The following SEMA3A variants were observed in gnomAD, a reference collection of about 807,000 sequenced individuals.
SEMA3A encodes semaphorin 3A.
SEMA3A carries 29 observed loss-of-function variants against 97.9 expected under a neutral mutation model. That is an observed-to-expected ratio of 0.30 (90% CI 0.22 to 0.40). The LOEUF (loss-of-function observed/expected upper bound fraction) is 0.40, where lower values mean the gene tolerates loss of function less well. Ranked by LOEUF, SEMA3A falls within the 10% of genes least tolerant of loss-of-function variation. The pLI, the probability that SEMA3A is intolerant of heterozygous loss-of-function variation, is 1.00. For missense variants in SEMA3A, 763 were observed against 951.3 expected, an observed-to-expected ratio of 0.80 and a Z score of 2.60; for synonymous variants, 321 against 323.7, an observed-to-expected ratio of 0.99 and a Z score of 0.09.
At chr7:84,297,905 T>C (rs947542566) in intron 3 of SEMA3A, among the ~76,000 whole-genome samples, 4 of 152,288 alleles carry the variant, frequency 2.6e-5, no homozygotes, top group African/African-American at 9.6e-5. Flanking sequence ...CCTATGGTAA[T>C]AGGAGGACAG....
chr7:84,054,906 T>C (rs1230063029), intron 5 of SEMA3A, among the ~76,000 whole-genome samples: 2 of 151,746 alleles, frequency 1.3e-5, no homozygotes, highest in Admixed American at 1.3e-4. Context: ...TTCTGTTTGT[T>C]AGTTTTCCTT....
chr7:84,044,887 T>C (rs1353643191), intron 6 of SEMA3A, among the ~76,000 whole-genome samples: 18 of 151,998 alleles, frequency 1.2e-4, no homozygotes, highest in Admixed American at 1.2e-3. Flanking sequence ...AGAACATCAA[T>C]GCCATTAAAA....
intron 5 of SEMA3A, among the ~76,000 whole-genome samples, chr7:84,052,397 T>C (rs984880375): frequency 3.3e-5 from 5 of 152,224 alleles, no homozygotes; most frequent in Admixed American, 3.3e-4. Context: ...GATCCTGTTA[T>C]TGGTCTATTC....
At chr7:84,014,977 C>T (rs1321486606) in intron 6 of SEMA3A, among the ~76,000 whole-genome samples, 1 of 152,076 alleles carries the variant, frequency 6.6e-6, no homozygotes, top group African/African-American at 2.4e-5. Context: ...TCAATACCAC[C>T]TTCCTTCAGG....
chr7:84,005,320 C>A lies in SEMA3A; in HGVS notation c.1360+19G>T. 6.3e-7 allele frequency: 1 copy of A among 1,583,066 alleles called. No homozygotes were observed. Among genetic ancestry groups the A allele is most frequent in the Non-Finnish European group, 8.7e-7 (1 of 1,152,324 alleles). On this transcript the variant is annotated intron_variant, in intron 11 of 16. Transcript: ENST00000265362. ...ATAGTGTTCGGAAAAAAGTTTACAG[C>A]TGAAATTTAAAAATTTACCTGTTCC...
intron 3 of SEMA3A, among the ~76,000 whole-genome samples, chr7:84,227,991 AT>A (rs968024041): frequency 2.0e-5 from 3 of 151,924 alleles, no homozygotes; most frequent in African/African-American, 7.3e-5. Context: ...AGATAATGAG[AT>A]TAAAAAAATG....
intron 2 of SEMA3A, among the ~76,000 whole-genome samples, chr7:84,361,444 A>G (rs1474131359): frequency 6.6e-6 from 1 of 152,082 alleles, no homozygotes; most frequent in African/African-American, 2.4e-5. Context: ...AGCTATTGCA[A>G]GGTAGAGGAA....
At chr7:84,052,689 G>A (rs1310988432) in intron 5 of SEMA3A, among the ~76,000 whole-genome samples, 1 of 151,804 alleles carries the variant, frequency 6.6e-6, no homozygotes, top group Non-Finnish European at 1.5e-5. Flanking sequence ...TTTTTGGAAG[G>A]GTTTTTTTGT....
intron 6 of SEMA3A, among the ~76,000 whole-genome samples, chr7:84,034,024 T>C (rs1211437991): frequency 6.6e-6 from 1 of 151,934 alleles, no homozygotes; most frequent in Non-Finnish European, 1.5e-5. Context: ...TACTCTGTCA[T>C]CCAGGCTGGA....
chr7:83,992,477 C>T (rs1002574466), intron 12 of SEMA3A, among the ~76,000 whole-genome samples: 1 of 151,456 alleles, frequency 6.6e-6, no homozygotes, highest in African/African-American at 2.4e-5. Flanking sequence ...TTTCCCTCTA[C>T]ACACTGCTTT....
At chr7:84,036,368 G>A (rs1791939241) in intron 6 of SEMA3A, among the ~76,000 whole-genome samples, 1 of 152,078 alleles carries the variant, frequency 6.6e-6, no homozygotes, top group African/African-American at 2.4e-5. Flanking sequence ...ACAGTTCCTT[G>A]AACCTAGTGG....
chr7:83,964,882 G>A (rs997929530), intron 15 of SEMA3A, among the ~76,000 whole-genome samples: 7 of 151,870 alleles, frequency 4.6e-5, no homozygotes, highest in Admixed American at 3.9e-4. Context: ...TTATTAGTGC[G>A]TCTTGAATTG....
chr7:83,998,202 T>C (rs2691695), intron 12 of SEMA3A, among the ~76,000 whole-genome samples: 117,956 of 151,894 alleles, frequency 0.78, 45,977 homozygotes, highest in East Asian at 0.89. Context: ...TGCATCATTA[T>C]GTGATTTTGT....
chr7:84,255,299 C>T (rs1015367019), intron 3 of SEMA3A, among the ~76,000 whole-genome samples: 1 of 152,092 alleles, frequency 6.6e-6, no homozygotes, highest in Non-Finnish European at 1.5e-5. Flanking sequence ...TGTAAATTTG[C>T]TGTTCTCCTA....
intron 3 of SEMA3A, among the ~76,000 whole-genome samples, chr7:84,277,607 C>T (rs556826760): frequency 1.3e-5 from 2 of 152,164 alleles, no homozygotes; most frequent in African/African-American, 4.8e-5. Context: ...TAAAGAAATA[C>T]CTGAGACAGG....
chr7:84,388,723 A>G (rs1803464706), intron 1 of SEMA3A, among the ~76,000 whole-genome samples: 1 of 152,008 alleles, frequency 6.6e-6, no homozygotes, highest in Non-Finnish European at 1.5e-5. Context: ...ATATGTTTTT[A>G]GTAATTTGTA....
intron 4 of SEMA3A, among the ~76,000 whole-genome samples, chr7:84,068,952 C>G (rs952808033): frequency 2.0e-5 from 3 of 152,084 alleles, no homozygotes; most frequent in African/African-American, 4.8e-5. Flanking sequence ...TTAGTCACCT[C>G]TTTTACCGAT....
chr7:84,210,624 G>C (rs980294770), intron 3 of SEMA3A, among the ~76,000 whole-genome samples: 3 of 152,172 alleles, frequency 2.0e-5, no homozygotes, highest in African/African-American at 7.2e-5. Context: ...AATGCCATGG[G>C]CAGATTTTCT....
At chr7:84,319,987 G>A (rs1801607456) in intron 2 of SEMA3A, among the ~76,000 whole-genome samples, 1 of 152,124 alleles carries the variant, frequency 6.6e-6, no homozygotes, top group African/African-American at 2.4e-5. Context: ...AGACAAGAAA[G>A]TAAATGATTT....
Sources: allele counts gnomAD v4.1 joint callset (sites outside exome capture counted in the v4.1 genomes callset), GRCh38; gene constraint gnomAD v4.1.1; transcripts MANE v1.5; gene names NCBI Gene and HGNC (gene_info 2026-07-23, HGNC 2026-07-21).